Variants in NNT observed in about 807,000 individuals in gnomAD.
NNT encodes the protein NAD(P) transhydrogenase, mitochondrial.
In NNT, 50 loss-of-function variants were observed where a neutral mutation model predicts 104.8. That is an observed-to-expected ratio of 0.48 (90% CI 0.38 to 0.60). NNT has a LOEUF of 0.60. NNT is among the 20% of genes least tolerant of loss of function. The probability of loss-of-function intolerance (pLI) is 0.00; values close to 1 mark genes in which losing one functional copy is unlikely to be tolerated. For synonymous variants in NNT, 461 were observed against 490.4 expected (o/e 0.94, Z 0.79); for missense variants, 1,131 against 1,330.7 (o/e 0.85, Z 2.33).
chr5:43,649,961 A>G (rs1739666215), intron 11 of NNT, among the ~76,000 whole-genome samples: 1 of 152,208 alleles, frequency 6.6e-6, no homozygotes, highest in Non-Finnish European at 1.5e-5. Context: ...GTCATCTTTT[A>G]TAACATTGCC....
At chr5:43,667,653 A>C (rs1740785887) in intron 17 of NNT, among the ~76,000 whole-genome samples, 2 of 152,078 alleles carry the variant, frequency 1.3e-5, no homozygotes, top group Non-Finnish European at 2.9e-5. Context: ...ACATTTTCTT[A>C]ATCCAGTCTA....
intron 6 of NNT, among the ~76,000 whole-genome samples, chr5:43,624,982 T>A (rs919914039): frequency 1.3e-5 from 2 of 152,226 alleles, no homozygotes; most frequent in African/African-American, 4.8e-5. Context: ...TGGTTAATAG[T>A]CTTTATCTAG....
intron 3 of NNT, among the ~76,000 whole-genome samples, chr5:43,614,965 G>A (rs1749700402): frequency 6.6e-6 from 1 of 151,062 alleles, no homozygotes; most frequent in Non-Finnish European, 1.5e-5. Flanking sequence ...GTGAAACCCC[G>A]TCTCTACTAA....
chr5:43,652,527 A>AT (rs35863403), intron 13 of NNT, among the ~76,000 whole-genome samples: 6,507 of 143,280 alleles, frequency 0.045, 180 homozygotes, highest in Non-Finnish European at 0.067. Context: ...TGAATGAACA[A>AT]TTTTTTTTTT....
At chr5:43,697,897 C>T (rs1358425781) in intron 19 of NNT, among the ~76,000 whole-genome samples, 1 of 152,136 alleles carries the variant, frequency 6.6e-6, no homozygotes, top group East Asian at 1.9e-4. Flanking sequence ...AGTAATCTTC[C>T]ACCAGGTCCC....
chr5:43,642,246 T>C (rs1430370400), intron 7 of NNT, among the ~76,000 whole-genome samples: 1 of 152,144 alleles, frequency 6.6e-6, no homozygotes, highest in Admixed American at 6.6e-5. Context: ...ACCTGGAAAG[T>C]ACAGGTAGCC....
At chr5:43,656,230 A>T (rs1740037441) in intron 15 of NNT, among the ~76,000 whole-genome samples, 157 bp downstream of exon 15, 1 of 152,210 alleles carries the variant, frequency 6.6e-6, no homozygotes, top group Non-Finnish European at 1.5e-5. Flanking sequence ...TCTCAAGCCC[A>T]GGAGTTCAAG....
At chr5:43,645,332 CG>C (rs1739328246) in intron 9 of NNT, 24 bp from the exon 10 acceptor site, 2 of 1,396,206 alleles carry the variant, frequency 1.4e-6, no homozygotes, top group Middle Eastern at 1.9e-4. Context: ...CTTTTTAATA[CG>C]TACTATTTTT....
intron 7 of NNT, among the ~76,000 whole-genome samples, chr5:43,629,073 T>C (rs1016277515): frequency 6.6e-6 from 1 of 152,126 alleles, no homozygotes; most frequent in Non-Finnish European, 1.5e-5. Flanking sequence ...AGTTCTTTAG[T>C]GGTGATTTCT....
chr5:43,627,943 T>C (rs570167081), intron 6 of NNT, among the ~76,000 whole-genome samples: 1 of 152,296 alleles, frequency 6.6e-6, no homozygotes, highest in East Asian at 1.9e-4. Context: ...AGTTGGCAAT[T>C]GTGAAATCGC....
intron 2 of NNT, among the ~76,000 whole-genome samples, chr5:43,612,497 T>G (rs993452041): frequency 2.6e-5 from 4 of 152,180 alleles, no homozygotes; most frequent in Non-Finnish European, 5.9e-5. Flanking sequence ...TAGGATACAG[T>G]TGTTCTTCAA....
At chr5:43,627,001 A>T (rs976601665) in intron 6 of NNT, among the ~76,000 whole-genome samples, 1 of 152,214 alleles carries the variant, frequency 6.6e-6, no homozygotes, top group Non-Finnish European at 1.5e-5. Context: ...ACCAACTCAG[A>T]TTGGCTTAAA....
At chr5:43,677,668 T>C (rs905346494) in intron 18 of NNT, 57 bp from the exon 19 acceptor site, 8 of 1,456,236 alleles carry the variant, frequency 5.5e-6, no homozygotes, top group Non-Finnish European at 7.7e-6. Flanking sequence ...GAAGTTGTAC[T>C]TCATGTAATT....
intron 17 of NNT, among the ~76,000 whole-genome samples, chr5:43,665,985 A>C (rs933075304): frequency 6.7e-6 from 1 of 148,308 alleles, no homozygotes; most frequent in Non-Finnish European, 1.5e-5. Context: ...CGCTCTTCAC[A>C]TCTCAGACGG....
At chr5:43,674,674 A>G (rs1360527274) in intron 17 of NNT, among the ~76,000 whole-genome samples, 1 of 152,196 alleles carries the variant, frequency 6.6e-6, no homozygotes, top group African/African-American at 2.4e-5. Context: ...CAGAACAACT[A>G]GTTTTTTTTC....
chr5:43,694,544 GTTTCTGT>G (rs1290450513), intron 19 of NNT, among the ~76,000 whole-genome samples: 1 of 152,098 alleles, frequency 6.6e-6, no homozygotes, highest in Non-Finnish European at 1.5e-5. Flanking sequence ...TAATCATGTG[GTTTCTGT>G]CTTTAGTTCT....
At chr5:43,620,001 C>T (rs561943755) in intron 5 of NNT, among the ~76,000 whole-genome samples, 1 of 152,086 alleles carries the variant, frequency 6.6e-6, no homozygotes, top group East Asian at 1.9e-4. Context: ...CTCAGCCCCC[C>T]ACTCCCAGGG....
Position 43,675,665 on chromosome 5 carries a change from C to T in NNT, c.2789C>T (p.Thr930Ile), listed in dbSNP as rs1396609735. Residue 930 changes from threonine to isoleucine, a missense_variant, in exon 18 of 22, where the codon ACA becomes ATA. Physicochemically the swap from Thr to Ile is moderately conservative, Grantham distance 89. Transcript: ENST00000344920. ...MIREANSIII[T>I]PGYGLCAAKA... Reference sequence around the variant, plus strand: ...CGAGAAGCTAATAGCATTATTATTACACCAGGTAAAGAAAAAAAGCAAAAG... The same window carrying T: ...CGAGAAGCTAATAGCATTATTATTATACCAGGTAAAGAAAAAAAGCAAAAG... 3 of 1,592,330 alleles carry T rather than the reference C, an allele frequency of 1.9e-6. No individual in the cohort carries two copies. Among genetic ancestry groups the T allele is most frequent in the African/African-American group, 1.4e-5 (1 of 74,048 alleles).
At chr5:43,644,072 G>C (rs1014769135) in intron 7 of NNT, 120 bp from the exon 8 acceptor site, 1 of 933,616 alleles carries the variant, frequency 1.1e-6, no homozygotes, top group Non-Finnish European at 1.6e-6. Flanking sequence ...GGGGTCTCTT[G>C]GAAAGAGTTA....
Sources: gnomAD v4.1 joint callset for allele counts (sites outside exome capture counted in the v4.1 genomes callset) on GRCh38, gnomAD v4.1.1 for gene constraint, MANE v1.5 for transcripts, NCBI Gene and HGNC (gene_info 2026-07-23, HGNC 2026-07-21) for gene names.